CCDC174: variants seen among roughly 807,000 people sequenced by gnomAD.
CCDC174 encodes coiled-coil domain containing 174, also known as coiled-coil domain-containing protein 174.
Under a neutral mutation model 57.1 loss-of-function variants are expected in CCDC174, and 37 were observed. The observed-to-expected ratio is 0.65, with a 90% confidence interval of 0.50 to 0.85. CCDC174 has a LOEUF of 0.85. Ranked by LOEUF, CCDC174 falls within the 40% of genes least tolerant of loss-of-function variation. The pLI, the probability that CCDC174 is intolerant of heterozygous loss-of-function variation, is 0.00. For synonymous variants in CCDC174, 182 were observed against 190.2 expected (o/e 0.96, Z 0.35); for missense variants, 540 against 574.3 (o/e 0.94, Z 0.61).
intron 3 of CCDC174, 38 bp from the exon 4 acceptor site, chr3:14,658,833 T>C (rs775371499): frequency 1.4e-5 from 22 of 1,533,074 alleles, no homozygotes; most frequent in South Asian, 2.2e-5. Context: ...TGAACAGTTA[T>C]AAGACCATTT....
intron 5 of CCDC174, among the ~76,000 whole-genome samples, chr3:14,663,984 C>T (rs1456668871): frequency 6.6e-6 from 1 of 152,072 alleles, no homozygotes. Context: ...AAAATCTTTC[C>T]GTAAAGATAC....
intron 9 of CCDC174, among the ~76,000 whole-genome samples, chr3:14,669,058 C>T (rs979294179): frequency 2.0e-5 from 3 of 152,204 alleles, no homozygotes; most frequent in African/African-American, 7.2e-5. Flanking sequence ...TATGCATTTA[C>T]ATCCTGCTGG....
At position 14,666,918 on chromosome 3, in the gene CCDC174, C is replaced by G; in HGVS notation, c.695C>G (p.Pro232Arg). 6.3e-7 allele frequency: 1 copy of G among 1,588,404 alleles called. No homozygotes were observed. The highest frequency in any genetic ancestry group is 8.5e-7 in the Non-Finnish European group (1 of 1,173,156). The part of the protein sequence containing the change: ...EREALKRPMG[P>R]VHYEDIRENE... Reference sequence around the variant, plus strand: ...GAGGCCCTGAAGAGGCCCATGGGGCCCGTACATTATGAAGACATTCGGGAA... The same window carrying G: ...GAGGCCCTGAAGAGGCCCATGGGGCGCGTACATTATGAAGACATTCGGGAA... Residue 232 changes from proline (P) to arginine (R), a missense_variant, in exon 7 of 11, where the codon CCC becomes CGC. Coordinates refer to ENST00000383794, the MANE Select transcript of CCDC174 (RefSeq NM_016474.5).
At chr3:14,652,746 A>G (rs1009113243) in intron 1 of CCDC174, among the ~76,000 whole-genome samples, 2 of 151,366 alleles carry the variant, frequency 1.3e-5, no homozygotes, top group African/African-American at 4.8e-5. Context: ...TACTAAAAAT[A>G]AAAAAATTAG....
rs753985103 is a variant in CCDC174 at position 14,655,521 on chromosome 3, T to C, written c.148-8T>C. The C allele has an allele frequency of 1.3e-6, 2 of 1,586,614 alleles. No individual in the cohort carries two copies. Among genetic ancestry groups the C allele is most frequent in the East Asian group, 4.5e-5 (2 of 44,550 alleles). ...GGTTCTGTTTTGTCTTCTAAAATTA[T>C]TCTCCAGAAACCAAGTATCTGGAGC... On this transcript the variant is annotated splice_polypyrimidine_tract_variant and splice_region_variant and intron_variant, in intron 2 of 10. Transcript: ENST00000383794.
chr3:14,658,738 T>G, intron 3 of CCDC174, 133 bp from the exon 4 acceptor site: 2 of 941,994 alleles, frequency 2.1e-6, no homozygotes, highest in Non-Finnish European at 3.1e-6. Flanking sequence ...GATGGTGTGG[T>G]CTGTGCTGGT....
rs370566072 is a variant in CCDC174, at chr3:14,652,070, G to T, written c.42+192G>T. 7.9e-5 allele frequency among the ~76,000 whole-genome samples: 12 copies of T among 152,242 alleles called. No homozygotes were observed. In the East Asian group the frequency reaches 1.9e-3, roughly 25 times the overall value. ...CAGTTTTCTTACAGGACCCTGAATT[G>T]GGCTACTCTCCTCTGACATGCGCCC... On this transcript the variant is annotated intron_variant, in intron 1 of 10. Transcript: ENST00000383794.
At position 14,670,087 on chromosome 3, in the gene CCDC174, G is replaced by T. The variant is rs766891069; in HGVS notation, c.1105+1G>T. 1.2e-6 allele frequency: 2 copies of T among 1,607,312 alleles called. No individual in the cohort carries two copies. The highest frequency in any genetic ancestry group is 2.2e-5 in the East Asian group (1 of 44,708). ...ATCCGGGAGTGGGACCGCGGAAAAGGTAAGGGAGGTGGGCTCTGAGGTGTA... is the reference window on the plus strand; with the variant it reads ...ATCCGGGAGTGGGACCGCGGAAAAGTTAAGGGAGGTGGGCTCTGAGGTGTA... On this transcript the variant is annotated splice_donor_variant, in intron 10 of 10. Transcript: ENST00000383794. LOFTEE classifies it high-confidence loss of function.
chr3:14,668,920 C>T (rs2031427032), intron 9 of CCDC174, among the ~76,000 whole-genome samples: 1 of 152,190 alleles, frequency 6.6e-6, no homozygotes, highest in Non-Finnish European at 1.5e-5. Context: ...GAGTATTTTT[C>T]TCTTCTGCAT....
intron 5 of CCDC174, chr3:14,661,977 G>A (rs1045269565): frequency 5.1e-5 from 16 of 311,620 alleles, no homozygotes; most frequent in African/African-American, 2.2e-4. Context: ...GTGCCAGGCC[G>A]AAGGAAACCC....
chr3:14,672,227 G>A lies in CCDC174; in HGVS notation c.*1033G>A, dbSNP rs1036922149. On this transcript the variant is annotated 3_prime_UTR_variant, in exon 11 of 11. Transcript: ENST00000383794. ...GTGCTGTGAGAATACAGTAGCACAA[G>A]TCCTTGTTCTCTGAAGAGTGGGAAG... 2 of 152,512 alleles carry A rather than the reference G, an allele frequency of 1.3e-5. No homozygotes were observed. Among genetic ancestry groups the A allele is most frequent in the Non-Finnish European group, 2.9e-5 (2 of 68,140 alleles). The allele number at this position is 152,512 out of a possible 1,614,324, so 9.4% of individuals were successfully genotyped here. A position where few individuals can be genotyped will look rare whatever the true frequency, so the allele number is the denominator to read the frequency against.
chr3:14,660,511 G>GAA (rs56340655), intron 4 of CCDC174, among the ~76,000 whole-genome samples: 2 of 151,332 alleles, frequency 1.3e-5, no homozygotes, highest in Non-Finnish European at 1.5e-5. Flanking sequence ...TTCAGAAAAA[G>GAA]AAAAAAAAAG....
In CCDC174 at chr3:14,651,793, G is replaced by C. The variant is rs1418524280; in HGVS notation, c.-44G>C. ...GAGGTAGGCTTACGAGGCCTGTGTC[G>C]GGTAGAAAGGGTCCTTCCTGGACCG... On this transcript the variant is annotated 5_prime_UTR_variant, in exon 1 of 11. Transcript: ENST00000383794. 1 of 1,608,812 alleles carries C rather than the reference G, an allele frequency of 6.2e-7. No individual in the cohort carries two copies. Among genetic ancestry groups the C allele is most frequent in the South Asian group, 1.1e-5 (1 of 90,884 alleles).
intron 5 of CCDC174, 77 bp downstream of exon 5, chr3:14,661,784 T>G (rs2031148787): frequency 7.5e-7 from 1 of 1,332,278 alleles, no homozygotes; most frequent in Admixed American, 2.4e-5. Context: ...TTTGTTGGGT[T>G]GTTATCGAGC....
Position 14,670,980 on chromosome 3 carries a change from T to C in CCDC174, c.1190T>C (p.Phe397Ser), listed in dbSNP as rs772824290. ...GAGTTTGCCCCGCCGTCAGATTACT[T>C]TGTGGGTCAGAAGAGAACTGGTTTT... ...DPEFAPPSDY[F>S]VGQKRTGFSS... The change falls in exon 11 of 11, where the codon TTT (phenylalanine) becomes TCT (serine). Residue 397 changes from phenylalanine to serine, a missense_variant. Transcript: ENST00000383794. The C allele has an allele frequency of 8.7e-6, 14 of 1,614,048 alleles. No homozygotes were observed. The highest frequency in any genetic ancestry group is 5.3e-5 in the African/African-American group (4 of 74,912).
At chr3:14,666,720 C>T in intron 6 of CCDC174, 85 bp from the exon 7 acceptor site, 1 of 1,077,506 alleles carries the variant, frequency 9.3e-7, no homozygotes, top group East Asian at 2.7e-5. Flanking sequence ...AATAGTGTTA[C>T]TTATGCATGA....
chr3:14,651,814 G>T lies in CCDC174; in HGVS notation c.-23G>T, dbSNP rs745599337. 8 of 1,613,850 alleles carry T rather than the reference G, an allele frequency of 5.0e-6. No homozygotes were observed. The South Asian group carries it at 7.7e-5, about 16-fold the overall frequency. On this transcript the variant is annotated 5_prime_UTR_variant, in exon 1 of 11. Coordinates refer to ENST00000383794, the MANE Select transcript of CCDC174 (RefSeq NM_016474.5). The stretch of plus-strand genomic sequence containing the variant: ...TGTCGGGTAGAAAGGGTCCTTCCTG[G>T]ACCGGGACCCTCTGCCACGACCATG...
At position 14,654,949 on chromosome 3, in the gene CCDC174, A is replaced by G. The variant is rs112050501; in HGVS notation, c.147+419A>G. Among the ~76,000 whole-genome samples, 799 of 152,336 alleles carry G rather than the reference A, an allele frequency of 5.2e-3. 4 individuals are homozygous for G. The highest frequency in any genetic ancestry group is 0.017 in the African/African-American group (709 of 41,560). On this transcript the variant is annotated intron_variant, in intron 2 of 10. Coordinates refer to ENST00000383794, the MANE Select transcript of CCDC174 (RefSeq NM_016474.5). The stretch of plus-strand genomic sequence containing the variant: ...GTATTACTAATTCTCTGTAATATGT[A>G]CATTTTCATTAATCTTGATTTAGGT...
rs971565496 is a variant in CCDC174, at chr3:14,666,654, A to AT, written c.582-147dup. The AT allele has an allele frequency of 8.7e-6, 5 of 577,824 alleles. No homozygotes were observed. The African/African-American group carries it at 9.7e-5, about 11-fold the overall frequency. 35.8% of individuals were successfully genotyped at this position (577,824 alleles called of 1,614,324 possible). ...AAAAAAGGCGAAGGCTGTTTTATTG[A>AT]TTTTCCAGCAGTCTTGTGGGTCAGA... On this transcript the variant is annotated intron_variant, in intron 6 of 10. Transcript: ENST00000383794.
Sources: gnomAD v4.1 joint callset for allele counts (sites outside exome capture counted in the v4.1 genomes callset) on GRCh38, gnomAD v4.1.1 for gene constraint, MANE v1.5 for transcripts, NCBI Gene and HGNC (gene_info 2026-07-23, HGNC 2026-07-21) for gene names.